The following FAAH2 variants were observed in gnomAD, a reference collection of about 807,000 sequenced individuals.
FAAH2 encodes the protein fatty acid amide hydrolase 2.
Under a neutral mutation model 36.9 loss-of-function variants are expected in FAAH2, and 60 were observed. The observed-to-expected ratio is 1.63, with a 90% confidence interval of 1.32 to 2.02. The LOEUF (loss-of-function observed/expected upper bound fraction) is 2.02, where lower values mean the gene tolerates loss of function less well. Ranked by LOEUF, FAAH2 falls within the 30% of genes most tolerant of loss-of-function variation. The pLI is 0.00. For missense variants in FAAH2, 689 were observed against 397.5 expected, an observed-to-expected ratio of 1.73 and a Z score of -6.23; for synonymous variants, 214 against 143.8, an observed-to-expected ratio of 1.49 and a Z score of -3.49.
the FAAH2 span, among the ~76,000 whole-genome samples, chrX:57,162,548 C>T: frequency 9.0e-6 from 1 of 111,522 alleles, no homozygotes; most frequent in African/African-American, 3.3e-5. Flanking sequence ...TTCTTGGAGG[C>T]TTTGCTCATT....
At chrX:57,239,469 C>T in the FAAH2 span, among the ~76,000 whole-genome samples, 1 of 88,794 alleles carries the variant, frequency 1.1e-5, no homozygotes, top group Admixed American at 1.3e-4. Flanking sequence ...TTCTCTGCAG[C>T]TCTTTTATAT....
At chrX:57,315,855 A>C (rs962367339) in intron 3 of FAAH2, among the ~76,000 whole-genome samples, 2 of 111,329 alleles carry the variant, frequency 1.8e-5, no homozygotes, top group African/African-American at 6.5e-5. Flanking sequence ...GAAACAAGGA[A>C]AGAGTGCCCA....
At chrX:57,352,071 T>TATATATGTGTATATATATATATATACAC (rs2054025897) in intron 5 of FAAH2, among the ~76,000 whole-genome samples, 1 of 9,588 alleles carries the variant, frequency 1.0e-4, no homozygotes, top group African/African-American at 1.4e-4. Context: ...TATATACACA[T>TATATATGTGTATATATATATATATACAC]ATATATATGT....
intron 10 of FAAH2, among the ~76,000 whole-genome samples, chrX:57,467,646 C>A (rs1029024106): frequency 8.9e-6 from 1 of 112,014 alleles, no homozygotes; most frequent in Non-Finnish European, 1.9e-5. Context: ...AGGAGGCCTG[C>A]CTGACTCTGT....
chrX:57,399,952 T>C (rs1023678266), intron 7 of FAAH2, among the ~76,000 whole-genome samples: 1 of 112,099 alleles, frequency 8.9e-6, no homozygotes, highest in Non-Finnish European at 1.9e-5. Flanking sequence ...TTTAAAGTCC[T>C]TTTTCTACAA....
intron 5 of FAAH2, among the ~76,000 whole-genome samples, chrX:57,343,965 C>T (rs1046412044): frequency 1.4e-4 from 16 of 110,839 alleles, no homozygotes; most frequent in Non-Finnish European, 3.0e-4. Context: ...TTCCATTGGT[C>T]TATATATCTG....
chrX:57,243,194 C>T, the FAAH2 span, among the ~76,000 whole-genome samples: 1 of 112,079 alleles, frequency 8.9e-6, no homozygotes, highest in Non-Finnish European at 1.9e-5. Context: ...AGCCAGACTG[C>T]CTCTAGATTC....
chrX:57,248,607 G>A, the FAAH2 span, among the ~76,000 whole-genome samples: 13 of 108,239 alleles, frequency 1.2e-4, no homozygotes, highest in East Asian at 2.0e-3. Flanking sequence ...TACAAAATTA[G>A]CCAGGCTTGG....
At chrX:57,358,874 C>T (rs967761271) in intron 5 of FAAH2, among the ~76,000 whole-genome samples, 3 of 111,002 alleles carry the variant, frequency 2.7e-5, no homozygotes, top group Admixed American at 1.9e-4. Context: ...ACATCCTTGT[C>T]AGCACTTGTG....
At chrX:57,149,333 T>C in the FAAH2 span, among the ~76,000 whole-genome samples, 4 of 111,892 alleles carry the variant, frequency 3.6e-5, no homozygotes, top group African/African-American at 6.5e-5. Flanking sequence ...GAAGGAATGG[T>C]ACCAGCTCCT....
the FAAH2 span, among the ~76,000 whole-genome samples, chrX:57,194,654 G>T: frequency 9.1e-6 from 1 of 110,141 alleles, no homozygotes; most frequent in Non-Finnish European, 1.9e-5. Context: ...AAGTTCTTTA[G>T]TGGTGATTTC....
At chrX:57,410,655 C>G (rs994933845) in intron 7 of FAAH2, among the ~76,000 whole-genome samples, 2 of 111,131 alleles carry the variant, frequency 1.8e-5, no homozygotes, top group African/African-American at 3.3e-5. Context: ...TTTACTTCAA[C>G]TATATCTTGC....
At chrX:57,304,143 G>A (rs1251177914) in intron 2 of FAAH2, among the ~76,000 whole-genome samples, 1 of 111,774 alleles carries the variant, frequency 8.9e-6, no homozygotes, top group Non-Finnish European at 1.9e-5. Context: ...GGAGGTGGAG[G>A]TTGCAGTGAG....
chrX:57,201,228 C>T, the FAAH2 span, among the ~76,000 whole-genome samples: 27 of 110,042 alleles, frequency 2.5e-4, no homozygotes, highest in Non-Finnish European at 4.7e-4. Flanking sequence ...CATGACCAGC[C>T]TGGCCAAGAT....
At chrX:57,321,844 A>T (rs1052156517) in intron 3 of FAAH2, among the ~76,000 whole-genome samples, 4 of 111,371 alleles carry the variant, frequency 3.6e-5, no homozygotes, top group African/African-American at 1.3e-4. Flanking sequence ...TTTTAGGGTC[A>T]CCAGTCTGTG....
At chrX:57,125,436 TG>T in the FAAH2 span, among the ~76,000 whole-genome samples, 6 of 111,683 alleles carry the variant, frequency 5.4e-5, no homozygotes, top group African/African-American at 1.9e-4. Context: ...AGTAAGGGGT[TG>T]GGGGGTTACC....
rs112077044 is a variant in FAAH2 at position 57,401,101 on chromosome X, C to G, written c.996+20072C>G. Among the ~76,000 whole-genome samples the G allele has an allele frequency of 2.4e-4, 27 of 110,790 alleles. No individual in the cohort carries two copies. The Middle Eastern group carries it at 0.019, about 77-fold the overall frequency. The stretch of plus-strand genomic sequence containing the variant: ...TCATGCCACTGCACTCCAGCCTGGG[C>G]GACAGAGTGAGACTCTGTCTCAAAA... On this transcript the variant is annotated intron_variant, in intron 7 of 10. Coordinates refer to ENST00000374900, the MANE Select transcript of FAAH2 (RefSeq NM_174912.4).
At chrX:57,155,262 G>T in the FAAH2 span, among the ~76,000 whole-genome samples, 1 of 111,650 alleles carries the variant, frequency 9.0e-6, no homozygotes, top group African/African-American at 3.3e-5. Context: ...AGCTACCAAG[G>T]TGGGTAGGGA....
the FAAH2 span, among the ~76,000 whole-genome samples, chrX:57,216,552 A>G: frequency 1.6e-3 from 50 of 30,699 alleles, no homozygotes; most frequent in African/African-American, 8.3e-3. Flanking sequence ...ACGTATATGT[A>G]TATATATATA....
Sources: allele counts gnomAD v4.1 joint callset (sites outside exome capture counted in the v4.1 genomes callset), GRCh38; gene constraint gnomAD v4.1.1; transcripts MANE v1.5; gene names NCBI Gene and HGNC (gene_info 2026-07-23, HGNC 2026-07-21).